The following UNC13A variants were observed in gnomAD, a reference collection of about 807,000 sequenced individuals.
UNC13A encodes the protein protein unc-13 homolog A.
A neutral mutation model predicts 219.7 loss-of-function variants in UNC13A; 61 were observed. The ratio of observed to expected loss-of-function variants is 0.28; its 90% CI spans 0.23 to 0.34. The LOEUF (loss-of-function observed/expected upper bound fraction) is 0.34, where lower values mean the gene tolerates loss of function less well. UNC13A is among the 10% of genes least tolerant of loss of function. UNC13A has a pLI of 1.00. For missense variants in UNC13A, 1,476 were observed against 2,270.3 expected (o/e 0.65, Z 7.11); for synonymous variants, 920 against 884.6 (o/e 1.04, Z -0.71).
At chr19:17,616,224 C>G (rs1481277121) in intron 41 of UNC13A, among the ~76,000 whole-genome samples, 1 of 152,188 alleles carries the variant, frequency 6.6e-6, no homozygotes, top group Non-Finnish European at 1.5e-5. Context: ...CGCTTCTTCC[C>G]CATGTAGAAC....
intron 7 of UNC13A, among the ~76,000 whole-genome samples, chr19:17,665,421 A>G (rs6512208): frequency 0.26 from 39,924 of 151,962 alleles, 6,119 homozygotes; most frequent in African/African-American, 0.42. Flanking sequence ...GAGTGTCCAC[A>G]AGGCCCAGGA....
Position 17,672,463 on chromosome 19 carries a change from ACCGTCAGT to A in UNC13A, c.177_184del (p.Leu60GlyfsTer5). On this transcript the variant is annotated frameshift_variant, in exon 4 of 44. Transcript: ENST00000519716. LOFTEE classifies it high-confidence loss of function. ...GATGAGACCCTTATTCCACACCTCC[ACCGTCAGT>A]CCCAAATCCAGACGGTTAATCTCGC... The A allele has an allele frequency of 6.2e-7, 1 of 1,613,716 alleles. No homozygotes were observed. The highest frequency in any genetic ancestry group is 8.5e-7 in the Non-Finnish European group (1 of 1,179,816).
intron 11 of UNC13A, 21 bp downstream of exon 11, chr19:17,655,253 A>T (rs754018263): frequency 1.1e-5 from 17 of 1,545,842 alleles, no homozygotes; most frequent in Non-Finnish European, 1.5e-5. Context: ...TGGCAGGGGC[A>T]TGGCTGGGCG....
intron 26 of UNC13A, among the ~76,000 whole-genome samples, chr19:17,633,491 C>T (rs2076878988): frequency 6.6e-6 from 1 of 152,054 alleles, no homozygotes; most frequent in African/African-American, 2.4e-5. Flanking sequence ...TCCATCCATT[C>T]ATTCACCCAC....
intron 6 of UNC13A, 113 bp downstream of exon 6, chr19:17,667,998 TAGAAAC>T: frequency 9.7e-7 from 1 of 1,027,346 alleles, no homozygotes; most frequent in South Asian, 1.5e-5. Flanking sequence ...TACAAAGAGT[TAGAAAC>T]AGAGATGCAG....
intron 4 of UNC13A, among the ~76,000 whole-genome samples, chr19:17,672,174 G>T (rs1219354041): frequency 1.3e-5 from 2 of 152,162 alleles, no homozygotes; most frequent in Admixed American, 1.3e-4. Context: ...GGGGCCACAA[G>T]GTGGAAGCCA....
chr19:17,630,790 T>G (rs886131069), intron 28 of UNC13A, 40 bp from the exon 29 acceptor site: 1 of 1,591,118 alleles, frequency 6.3e-7, no homozygotes. Flanking sequence ...CCACCTCTTG[T>G]CCTCCTCAAC....
chr19:17,673,936 G>C (rs553164178), intron 3 of UNC13A, among the ~76,000 whole-genome samples: 1 of 151,214 alleles, frequency 6.6e-6, no homozygotes, highest in East Asian at 2.0e-4. Flanking sequence ...ACTTGAACCT[G>C]GGAGGTGGAG....
Position 17,648,627 on chromosome 19 carries a change from G to T in UNC13A, c.1620C>A (p.Thr540=), listed in dbSNP as rs1005842519. The change falls in exon 16 of 44, where the codon ACC becomes ACA. Residue 540 remains threonine (T), a synonymous_variant. Transcript: ENST00000519716. ...AGATGGGGTAGATTAAGGCTTGCAG[G>T]GTCTTCTTGTAAACGTGGTTTTTCT... ...EELKNHVYKK[T]LQALIYPISC... 5.0e-6 allele frequency: 8 copies of T among 1,607,706 alleles called. No individual in the cohort carries two copies. The Admixed American group carries it at 1.2e-4, about 24-fold the overall frequency.
intron 1 of UNC13A, among the ~76,000 whole-genome samples, chr19:17,680,218 TCTCC>T (rs2079980729): frequency 6.6e-6 from 1 of 151,986 alleles, no homozygotes; most frequent in East Asian, 1.9e-4. Flanking sequence ...ACCCAGTCTC[TCTCC>T]CTGTCTTCCC....
intron 1 of UNC13A, among the ~76,000 whole-genome samples, chr19:17,677,094 C>T (rs186698037): frequency 6.3e-4 from 96 of 152,216 alleles, no homozygotes; most frequent in Non-Finnish European, 1.6e-4. Context: ...GCCCCACCTG[C>T]TTGTGGGAGG....
chr19:17,623,354 C>G (rs1599341642), intron 36 of UNC13A, 188 bp downstream of exon 36: 1 of 521,378 alleles, frequency 1.9e-6, no homozygotes, highest in Non-Finnish European at 3.4e-6. Context: ...CGTGGTCTCC[C>G]TCCCTCCCAG....
chr19:17,649,414 C>T lies in UNC13A; in HGVS notation c.1519-70G>A, dbSNP rs1383715494. ...TAGTCTCAGAGAATGCCTAGCTGGC[C>T]CCCAACCCCAGGTTGACCATGGGCA... On this transcript the variant is annotated intron_variant, in intron 13 of 43. Coordinates refer to ENST00000519716, the MANE Select transcript of UNC13A (RefSeq NM_001080421.3). This position sits in a 1 kb window ranked among gnomAD's most constrained non-coding sequence, Gnocchi z 4.4. 10 of 1,613,300 alleles carry T rather than the reference C, an allele frequency of 6.2e-6. No individual in the cohort carries two copies. In the East Asian group the frequency reaches 2.0e-4, roughly 32 times the overall value.
At chr19:17,667,143 C>T (rs935013791) in intron 6 of UNC13A, among the ~76,000 whole-genome samples, 1 of 151,580 alleles carries the variant, frequency 6.6e-6, no homozygotes, top group African/African-American at 2.4e-5. Context: ...CCCAGTTACC[C>T]GGGAGGCCGA....
At chr19:17,666,374 G>A (rs2079647548) in intron 7 of UNC13A, among the ~76,000 whole-genome samples, 1 of 140,958 alleles carries the variant, frequency 7.1e-6, no homozygotes, top group Non-Finnish European at 1.6e-5. Flanking sequence ...CACCATGCCT[G>A]TTCATTTTTT....
intron 43 of UNC13A, among the ~76,000 whole-genome samples, chr19:17,607,763 C>T (rs2076549671): frequency 6.6e-6 from 1 of 151,852 alleles, no homozygotes; most frequent in African/African-American, 2.4e-5. Flanking sequence ...CATCCAACAA[C>T]ATTGCCCTGC....
At chr19:17,632,942 A>T in intron 27 of UNC13A, 34 bp from the exon 28 acceptor site, 1 of 1,613,484 alleles carries the variant, frequency 6.2e-7, no homozygotes, top group Non-Finnish European at 8.5e-7. Flanking sequence ...CACAGCTGGA[A>T]GGGTCTGCCA....
Position 17,645,762 on chromosome 19 carries a change from CCT to C in UNC13A, c.2266_2267del (p.Arg756ValfsTer6). The C allele has an allele frequency of 6.2e-7, 1 of 1,614,182 alleles. No individual in the cohort carries two copies. The highest frequency in any genetic ancestry group is 8.5e-7 in the Non-Finnish European group (1 of 1,180,000). The stretch of plus-strand genomic sequence containing the variant: ...GGAAATCGTCAGATTCCCTCTTGAA[CCT>C]CTGTTTCACGCGGGATTTGATGTCG... ...DDDIKSRVKQ[R>X]FKRESDDFLG... On this transcript the variant is annotated frameshift_variant, in exon 19 of 44. Coordinates refer to ENST00000519716, the MANE Select transcript of UNC13A (RefSeq NM_001080421.3). LOFTEE classifies it high-confidence loss of function.
At position 17,648,344 on chromosome 19, in the gene UNC13A, C is replaced by T. The variant is rs1397747347; in HGVS notation, c.1816+87G>A. On this transcript the variant is annotated intron_variant, in intron 16 of 43. Transcript: ENST00000519716. ...CCCCGCCCCATGGTGCCCCACCCATCGCCTTGCCCTTCAGCCTTTCCCCGC... is the reference window on the plus strand; with the variant it reads ...CCCCGCCCCATGGTGCCCCACCCATTGCCTTGCCCTTCAGCCTTTCCCCGC... 5 of 617,962 alleles carry T rather than the reference C, an allele frequency of 8.1e-6. No homozygotes were observed. The African/African-American group carries it at 8.2e-5, about 10-fold the overall frequency. The allele number at this position is 617,962 out of a possible 1,614,324, so 38.3% of individuals were successfully genotyped here. A position where few individuals can be genotyped will look rare whatever the true frequency, so the allele number is the denominator to read the frequency against.
Sources: gnomAD v4.1 joint callset for allele counts (sites outside exome capture counted in the v4.1 genomes callset) on GRCh38, gnomAD v4.1.1 for gene constraint, Gnocchi (gnomAD v3.1) non-coding constraint, MANE v1.5 for transcripts, NCBI Gene and HGNC (gene_info 2026-07-23, HGNC 2026-07-21) for gene names.